The following MNAT1 variants were observed in gnomAD, a reference collection of about 807,000 sequenced individuals.
MNAT1 encodes CDK-activating kinase assembly factor MAT1.
MNAT1 carries 43 observed loss-of-function variants against 42.0 expected under a neutral mutation model. That is an observed-to-expected ratio of 1.02 (90% CI 0.80 to 1.32). MNAT1 has a LOEUF of 1.32. Ranked by LOEUF, MNAT1 falls within the 40% of genes most tolerant of loss-of-function variation. MNAT1 has a pLI of 0.00. For synonymous variants in MNAT1, 118 were observed against 120.0 expected (o/e 0.98, Z 0.11); for missense variants, 306 against 350.4 (o/e 0.87, Z 1.01).
intron 7 of MNAT1, among the ~76,000 whole-genome samples, chr14:60,916,169 G>C (rs758978437): frequency 2.0e-5 from 3 of 152,160 alleles, no homozygotes; most frequent in Non-Finnish European, 4.4e-5. Flanking sequence ...GCTTGCTACT[G>C]TTGTTGCTTT....
At chr14:60,834,994 T>G (rs1364779125) in intron 6 of MNAT1, among the ~76,000 whole-genome samples, 2 of 60,870 alleles carry the variant, frequency 3.3e-5, no homozygotes, top group Non-Finnish European at 7.3e-5. Context: ...GCTCCCGCCC[T>G]CCCTCCCTCC....
intron 6 of MNAT1, among the ~76,000 whole-genome samples, chr14:60,832,841 C>T (rs1432718899): frequency 6.6e-6 from 1 of 152,124 alleles, no homozygotes; most frequent in Admixed American, 6.5e-5. Context: ...TTTGTGTCCT[C>T]TCTTATTTCC....
intron 7 of MNAT1, among the ~76,000 whole-genome samples, chr14:60,915,343 G>A (rs1195695336): frequency 6.6e-5 from 10 of 151,886 alleles, no homozygotes; most frequent in Non-Finnish European, 2.9e-5. Flanking sequence ...ATTATATTAC[G>A]TTTTGAAAAT....
Position 60,879,766 on chromosome 14 carries a change from A to G in MNAT1, c.740A>G (p.Glu247Gly), listed in dbSNP as rs1285174020. ...PIHKLEEALY[E>G]YQPLQIETYG... ...CACAAGCTTGAAGAAGCTCTGTATG[A>G]ATACCAGCCACTGCAGATAGAGACA... The change falls in exon 7 of 8, where the codon GAA becomes GGA. Residue 247 changes from glutamate (E) to glycine (G), a missense_variant. Physicochemically the swap from Glu to Gly is moderately conservative, Grantham distance 98. Transcript: ENST00000261245. 6.2e-7 allele frequency: 1 copy of G among 1,613,276 alleles called. No homozygotes were observed. The highest frequency in any genetic ancestry group is 1.7e-5 in the Admixed American group (1 of 59,978).
chr14:60,790,885 T>C (rs1388731878), intron 1 of MNAT1, among the ~76,000 whole-genome samples: 2 of 152,318 alleles, frequency 1.3e-5, no homozygotes, highest in South Asian at 2.1e-4. Flanking sequence ...TTCCTTCATA[T>C]ATTTCCAACC....
intron 7 of MNAT1, among the ~76,000 whole-genome samples, chr14:60,967,344 T>G (rs1410423233): frequency 6.6e-6 from 1 of 152,208 alleles, no homozygotes; most frequent in Non-Finnish European, 1.5e-5. Context: ...GATTTATTCA[T>G]TTGCCATACC....
chr14:60,838,468 A>G (rs1033205799), intron 6 of MNAT1, among the ~76,000 whole-genome samples: 4 of 151,790 alleles, frequency 2.6e-5, no homozygotes, highest in Admixed American at 1.3e-4. Context: ...TTTCCATTCC[A>G]TTGATATTTG....
At chr14:60,791,254 G>T (rs1001736840) in intron 1 of MNAT1, among the ~76,000 whole-genome samples, 4 of 152,058 alleles carry the variant, frequency 2.6e-5, no homozygotes, top group Non-Finnish European at 4.4e-5. Flanking sequence ...TTAATTTTGA[G>T]TTCTAAGATA....
intron 1 of MNAT1, among the ~76,000 whole-genome samples, chr14:60,754,514 A>AT (rs1173555719): frequency 5.5e-4 from 82 of 148,846 alleles, no homozygotes; most frequent in Middle Eastern, 3.5e-3. Context: ...CACCTGGTTG[A>AT]TTTTTTTTTT....
At chr14:60,749,925 C>A (rs976727464) in intron 1 of MNAT1, among the ~76,000 whole-genome samples, 1 of 152,124 alleles carries the variant, frequency 6.6e-6, no homozygotes, top group African/African-American at 2.4e-5. Context: ...TACTAATAAA[C>A]GTATTTGCAG....
intron 6 of MNAT1, among the ~76,000 whole-genome samples, chr14:60,821,410 G>A (rs1033330920): frequency 1.3e-5 from 2 of 152,116 alleles, no homozygotes; most frequent in Admixed American, 1.3e-4. Context: ...TTTGTCTCTA[G>A]TACCTATTTA....
At chr14:60,900,862 G>A (rs1480454137) in intron 7 of MNAT1, among the ~76,000 whole-genome samples, 1 of 151,552 alleles carries the variant, frequency 6.6e-6, no homozygotes, top group African/African-American at 2.4e-5. Context: ...TAGGCATGGT[G>A]ATGGGAGGTA....
chr14:60,737,744 G>C (rs1240527317), intron 1 of MNAT1, among the ~76,000 whole-genome samples: 2 of 151,944 alleles, frequency 1.3e-5, no homozygotes, highest in Non-Finnish European at 2.9e-5. Flanking sequence ...TCTCAAAAAA[G>C]ATTATGTCAA....
intron 1 of MNAT1, among the ~76,000 whole-genome samples, chr14:60,773,930 A>C (rs2031157263): frequency 6.6e-6 from 1 of 152,204 alleles, no homozygotes; most frequent in Admixed American, 6.5e-5. Flanking sequence ...GGGATTTTGG[A>C]AAATGAATGT....
intron 6 of MNAT1, among the ~76,000 whole-genome samples, chr14:60,859,200 G>A (rs866269082): frequency 1.5e-4 from 23 of 152,252 alleles, no homozygotes; most frequent in East Asian, 9.6e-4. Flanking sequence ...TTTATTTGGA[G>A]ACCCAGGCAT....
intron 6 of MNAT1, among the ~76,000 whole-genome samples, chr14:60,823,976 G>A (rs762957267): frequency 1.6e-4 from 25 of 151,960 alleles, no homozygotes; most frequent in Admixed American, 3.9e-4. Flanking sequence ...GGCCAAGATG[G>A]TGAAACCCTA....
intron 1 of MNAT1, among the ~76,000 whole-genome samples, chr14:60,787,973 A>T (rs901549146): frequency 2.0e-5 from 3 of 152,182 alleles, no homozygotes; most frequent in Admixed American, 1.3e-4. Flanking sequence ...ATCTTTTCAC[A>T]TGAATCACAC....
At chr14:60,892,737 C>G (rs1001632171) in intron 7 of MNAT1, among the ~76,000 whole-genome samples, 7 of 151,734 alleles carry the variant, frequency 4.6e-5, no homozygotes, top group African/African-American at 1.7e-4. Context: ...TTTGCTTATC[C>G]TCTATTGTGT....
intron 7 of MNAT1, among the ~76,000 whole-genome samples, chr14:60,955,881 G>A (rs1442557511): frequency 6.6e-6 from 1 of 151,418 alleles, no homozygotes; most frequent in East Asian, 1.9e-4. Context: ...CTAATTTTAT[G>A]TATTTGAGTC....
Sources: allele counts gnomAD v4.1 joint callset (sites outside exome capture counted in the v4.1 genomes callset), GRCh38; gene constraint gnomAD v4.1.1; transcripts MANE v1.5; gene names NCBI Gene and HGNC (gene_info 2026-07-23, HGNC 2026-07-21).